Variants in PRKCE observed in about 807,000 individuals in gnomAD.
PRKCE encodes the protein protein kinase C epsilon type.
PRKCE carries 16 observed loss-of-function variants against 85.4 expected under a neutral mutation model. That is an observed-to-expected ratio of 0.19 (90% CI 0.13 to 0.28). The LOEUF is 0.28. PRKCE is among the 10% of genes least tolerant of loss of function. PRKCE has a pLI of 1.00. For missense variants in PRKCE, 573 were observed against 975.2 expected, an observed-to-expected ratio of 0.59 and a Z score of 5.49; for synonymous variants, 388 against 371.5, an observed-to-expected ratio of 1.04 and a Z score of -0.51.
rs55993112 is a variant in PRKCE at position 46,145,676 on chromosome 2, G to A, written c.1731+445G>A. ...TGAGCCCAGGAGTTCAAGACCAGCC[G>A]GGGCAACATGGTGAAACCCTGTCTA... is the stretch of plus-strand genomic sequence containing the variant. On this transcript the variant is annotated intron_variant, in intron 12 of 14. Coordinates refer to ENST00000306156, the MANE Select transcript of PRKCE (RefSeq NM_005400.3). This position sits in a 1 kb window ranked among gnomAD's most constrained non-coding sequence, Gnocchi z 4.6. Among the ~76,000 whole-genome samples, 136 of 152,056 alleles carry A rather than the reference G, an allele frequency of 8.9e-4. No homozygotes were observed. The highest frequency in any genetic ancestry group is 3.1e-3 in the African/African-American group (128 of 41,452).
intron 1 of PRKCE, among the ~76,000 whole-genome samples, chr2:45,729,537 A>G (rs1681385471): frequency 1.3e-5 from 2 of 152,226 alleles, no homozygotes; most frequent in South Asian, 4.2e-4. Flanking sequence ...CAATAGCCTG[A>G]AGGATATTTT....
Position 45,895,148 on chromosome 2 carries a change from G to T in PRKCE, c.412+52085G>T, listed in dbSNP as rs553683773. Among the ~76,000 whole-genome samples, 1 of 152,342 alleles carries T rather than the reference G, an allele frequency of 6.6e-6. No homozygotes were observed. The highest frequency in any genetic ancestry group is 2.1e-4 in the South Asian group (1 of 4,828). ...GTAGGGAGAATGAAAAGGCGCCCAG[G>T]TGTCTCTTGAGAAAGGAAGGAAGTT... On this transcript the variant is annotated intron_variant, in intron 2 of 14. Coordinates refer to ENST00000306156, the MANE Select transcript of PRKCE (RefSeq NM_005400.3). This position sits in a 1 kb window ranked among gnomAD's most constrained non-coding sequence, Gnocchi z 4.8.
At chr2:45,764,655 T>C (rs1419661547) in intron 1 of PRKCE, among the ~76,000 whole-genome samples, 1 of 152,192 alleles carries the variant, frequency 6.6e-6, no homozygotes, top group Admixed American at 6.5e-5. Flanking sequence ...ATTTCTTTTA[T>C]ATCATAAATT....
chr2:45,933,902 T>C (rs1699248901), intron 2 of PRKCE, among the ~76,000 whole-genome samples: 1 of 152,188 alleles, frequency 6.6e-6, no homozygotes, highest in Admixed American at 6.5e-5. Flanking sequence ...GTCGGGGGAC[T>C]AGTGGAAGCA....
intron 1 of PRKCE, among the ~76,000 whole-genome samples, chr2:45,729,681 G>C (rs190758102): frequency 1.3e-5 from 2 of 152,252 alleles, no homozygotes; most frequent in Non-Finnish European, 2.9e-5. Context: ...ATCCTCCATG[G>C]GGGCTTATTT....
chr2:46,045,276 A>G (rs1046792221), intron 10 of PRKCE, among the ~76,000 whole-genome samples: 1 of 152,246 alleles, frequency 6.6e-6, no homozygotes, highest in Non-Finnish European at 1.5e-5. Flanking sequence ...TAAGTTGGCC[A>G]TGTATGTGTC....
At chr2:45,926,751 G>A (rs183175477) in intron 2 of PRKCE, among the ~76,000 whole-genome samples, 3 of 152,356 alleles carry the variant, frequency 2.0e-5, no homozygotes, top group Admixed American at 6.5e-5. Flanking sequence ...GTGGGCCAGA[G>A]GCACCAAAAA....
intron 2 of PRKCE, among the ~76,000 whole-genome samples, chr2:45,973,453 T>C (rs1274024529): frequency 6.6e-6 from 1 of 152,226 alleles, no homozygotes; most frequent in East Asian, 1.9e-4. Flanking sequence ...TCCTGTGACC[T>C]TCTGTTTTTC....
chr2:46,140,311 A>G (rs1007198861), intron 11 of PRKCE, among the ~76,000 whole-genome samples: 3 of 152,224 alleles, frequency 2.0e-5, no homozygotes, highest in East Asian at 1.9e-4. Flanking sequence ...ACCTGCAATA[A>G]TTAAAAGAGT....
At chr2:45,672,150 A>G (rs192038708) in intron 1 of PRKCE, among the ~76,000 whole-genome samples, 1 of 152,188 alleles carries the variant, frequency 6.6e-6, no homozygotes, top group East Asian at 1.9e-4. Context: ...GATTCCTAGT[A>G]AGGTACTTAC....
chr2:45,890,195 T>A (rs1472932008), intron 2 of PRKCE, among the ~76,000 whole-genome samples: 4 of 152,250 alleles, frequency 2.6e-5, no homozygotes, highest in African/African-American at 9.6e-5. Flanking sequence ...ACAATTTCAA[T>A]ATCAAAAGCA....
chr2:46,144,998 G>A, intron 11 of PRKCE, 95 bp from the exon 12 acceptor site: 1 of 1,537,928 alleles, frequency 6.5e-7, no homozygotes, highest in Non-Finnish European at 8.8e-7. Context: ...CTTTTTTGCT[G>A]GAGATTTCCC....
chr2:45,806,223 C>T (rs927339910), intron 1 of PRKCE, among the ~76,000 whole-genome samples: 8 of 152,112 alleles, frequency 5.3e-5, no homozygotes, highest in South Asian at 2.1e-4. Context: ...CTGGCTGGCA[C>T]GTGAACCAAA....
intron 11 of PRKCE, among the ~76,000 whole-genome samples, chr2:46,116,887 G>A (rs891078524): frequency 6.6e-6 from 1 of 152,216 alleles, no homozygotes; most frequent in Non-Finnish European, 1.5e-5. Context: ...AAAAACCGGA[G>A]AGCAGGCATT....
At chr2:46,039,598 T>TA (rs998223875) in intron 10 of PRKCE, among the ~76,000 whole-genome samples, 8 of 150,258 alleles carry the variant, frequency 5.3e-5, no homozygotes, top group Admixed American at 2.0e-4. Context: ...TTCATGTTAT[T>TA]AAAAAAAAAA....
intron 2 of PRKCE, among the ~76,000 whole-genome samples, chr2:45,928,358 C>T (rs1390663202): frequency 6.6e-6 from 1 of 152,238 alleles, no homozygotes; most frequent in African/African-American, 2.4e-5. Context: ...ACCTCCGCCT[C>T]GCGGGTTGAA....
intron 1 of PRKCE, among the ~76,000 whole-genome samples, chr2:45,661,912 G>T (rs77433238): frequency 0.014 from 2,197 of 152,180 alleles, 56 homozygotes; most frequent in African/African-American, 0.05. Flanking sequence ...CTTTGATTTT[G>T]CTTATGTCCT....
At chr2:45,883,794 G>T (rs1695052821) in intron 2 of PRKCE, among the ~76,000 whole-genome samples, 1 of 152,196 alleles carries the variant, frequency 6.6e-6, no homozygotes, top group East Asian at 1.9e-4. Context: ...GCCACTGTGG[G>T]AACAGGGTAT....
At chr2:45,955,291 T>C (rs998739249) in intron 2 of PRKCE, among the ~76,000 whole-genome samples, 1 of 152,094 alleles carries the variant, frequency 6.6e-6, no homozygotes, top group African/African-American at 2.4e-5. Flanking sequence ...GAAGGAGAAC[T>C]GGTATAATGA....
Sources: gnomAD v4.1 joint callset for allele counts (sites outside exome capture counted in the v4.1 genomes callset) on GRCh38, gnomAD v4.1.1 for gene constraint, Gnocchi (gnomAD v3.1) non-coding constraint, MANE v1.5 for transcripts, NCBI Gene and HGNC (gene_info 2026-07-23, HGNC 2026-07-21) for gene names.